The following PRKCZ variants were observed in gnomAD, a reference collection of about 807,000 sequenced individuals.
PRKCZ encodes protein kinase C zeta type.
A neutral mutation model predicts 79.5 loss-of-function variants in PRKCZ; 33 were observed. The ratio of observed to expected loss-of-function variants is 0.41; its 90% CI spans 0.31 to 0.55. PRKCZ has a LOEUF of 0.55. Ranked by LOEUF, PRKCZ falls within the 20% of genes least tolerant of loss-of-function variation. PRKCZ has a pLI of 0.19. For synonymous variants in PRKCZ, 342 were observed against 320.9 expected, an observed-to-expected ratio of 1.07 and a Z score of -0.70; for missense variants, 578 against 813.5, an observed-to-expected ratio of 0.71 and a Z score of 3.52.
At chr1:2,117,947 T>C in intron 4 of PRKCZ, among the ~76,000 whole-genome samples, 1 of 151,866 alleles carries the variant, frequency 6.6e-6, no homozygotes, top group Non-Finnish European at 1.5e-5. Context: ...TGCTATTATT[T>C]TGTTTGTTGT....
chr1:2,174,930 T>C lies in PRKCZ; in HGVS notation c.1485+97T>C. On this transcript the variant is annotated intron_variant, in intron 15 of 17. Transcript: ENST00000378567. This position sits in a 1 kb window ranked among gnomAD's most constrained non-coding sequence, Gnocchi z 6.2. ...CTGTTGGCCATTTTTTCATGTCGGC[T>C]GCTGTGTATCGGGTGTGTGGGTTGA... 4 of 1,282,644 alleles carry C rather than the reference T, an allele frequency of 3.1e-6. No individual in the cohort carries two copies. In the South Asian group the frequency reaches 3.7e-5, roughly 12 times the overall value. 79.5% of individuals were successfully genotyped at this position (1,282,644 alleles called of 1,614,324 possible). A position where few individuals can be genotyped will look rare whatever the true frequency, so the allele number is the denominator to read the frequency against.
At chr1:2,144,798 T>C in intron 6 of PRKCZ, 1 of 247,248 alleles carries the variant, frequency 4.0e-6, no homozygotes, top group Non-Finnish European at 6.6e-6. Context: ...CCCTCCGCCA[T>C]CCCCGAGTGC....
intron 16 of PRKCZ, among the ~76,000 whole-genome samples, chr1:2,179,547 A>G (rs1686130953): frequency 6.6e-6 from 1 of 152,222 alleles, no homozygotes; most frequent in Non-Finnish European, 1.5e-5. Context: ...GTGGTGAGTT[A>G]ACAGCTGAGC....
At chr1:2,155,298 A>T (rs1680751655) in intron 9 of PRKCZ, among the ~76,000 whole-genome samples, 1 of 151,458 alleles carries the variant, frequency 6.6e-6, no homozygotes, top group Non-Finnish European at 1.5e-5. Flanking sequence ...GGTAGTGGTG[A>T]TGACAATGGT....
intron 10 of PRKCZ, among the ~76,000 whole-genome samples, chr1:2,160,006 C>T (rs540808713): frequency 2.6e-5 from 4 of 152,266 alleles, no homozygotes; most frequent in African/African-American, 9.6e-5. Flanking sequence ...GAGCAAACTA[C>T]CCTTAAAATA....
chr1:2,122,955 A>G lies in PRKCZ; in HGVS notation c.335-12307A>G, dbSNP rs551038417. ...CGGCGGTGGTTAGGGTCACGGTGGT[A>G]GTTAGGGTCATGGTGGTGGTTAGGG... On this transcript the variant is annotated intron_variant, in intron 4 of 17. Transcript: ENST00000378567. Among the ~76,000 whole-genome samples the G allele has an allele frequency of 2.0e-4, 16 of 78,470 alleles. 4 individuals carry two copies. The highest frequency in any genetic ancestry group is 3.7e-4 in the Non-Finnish European group (15 of 40,100). The allele number at this position is 78,470 out of a possible 152,430, so 51.5% of individuals were successfully genotyped here.
Position 2,125,206 on chromosome 1 carries a change from C to A in PRKCZ, c.335-10056C>A, listed in dbSNP as rs1219633362. ...GTGAATCCAGAAAAAAAATTTCTTA[C>A]ATAGAAAGGAGCGGTATTTGGTATG... On this transcript the variant is annotated intron_variant, in intron 4 of 17. Transcript: ENST00000378567. This position sits in a 1 kb window ranked among gnomAD's most constrained non-coding sequence, Gnocchi z 4.2. 2.0e-5 allele frequency among the ~76,000 whole-genome samples: 3 copies of A among 152,194 alleles called. No individual in the cohort carries two copies. The highest frequency in any genetic ancestry group is 2.9e-5 in the Non-Finnish European group (2 of 68,034).
chr1:2,059,331 T>A (rs1000546241), intron 3 of PRKCZ, among the ~76,000 whole-genome samples: 1 of 152,238 alleles, frequency 6.6e-6, no homozygotes, highest in Non-Finnish European at 1.5e-5. Flanking sequence ...CCTTTTACTC[T>A]AAGTTTTTCC....
chr1:2,144,196 G>A lies in PRKCZ; in HGVS notation c.421-14G>A, dbSNP rs901980063. 5 of 1,551,218 alleles carry A rather than the reference G, an allele frequency of 3.2e-6. No homozygotes were observed. In the African/African-American group the frequency reaches 5.5e-5, roughly 17 times the overall value. ...CAGTGTGGCCTGGGCCTGACGCTCT[G>A]TTCCCACCTGCAGAGAGCGTACTGC... On this transcript the variant is annotated splice_polypyrimidine_tract_variant and intron_variant, in intron 5 of 17. Transcript: ENST00000378567.
intron 4 of PRKCZ, among the ~76,000 whole-genome samples, chr1:2,103,456 G>A (rs373000915): frequency 6.6e-6 from 1 of 152,048 alleles, no homozygotes; most frequent in Admixed American, 6.5e-5. Context: ...TGTGCCTCGG[G>A]AAGGCCTGGG....
At chr1:2,166,935 C>T (rs1230388888) in intron 10 of PRKCZ, among the ~76,000 whole-genome samples, 1 of 152,230 alleles carries the variant, frequency 6.6e-6, no homozygotes, top group East Asian at 1.9e-4. Context: ...ACACCACCAG[C>T]GTGAGGAGAG....
intron 4 of PRKCZ, among the ~76,000 whole-genome samples, chr1:2,064,852 G>C (rs185009729): frequency 1.1e-4 from 16 of 152,304 alleles, no homozygotes; most frequent in Admixed American, 2.6e-4. Context: ...GATTCCAGAT[G>C]AATTTTAGGA....
At chr1:2,124,317 T>C (rs75633673) in intron 4 of PRKCZ, among the ~76,000 whole-genome samples, 4 of 7,962 alleles carry the variant, frequency 5.0e-4, no homozygotes, top group Admixed American at 1.4e-3. Flanking sequence ...AGGGTCACGG[T>C]GGTGGTTAGG....
chr1:2,182,034 G>A (rs906274656), intron 16 of PRKCZ: 14 of 353,954 alleles, frequency 4.0e-5, no homozygotes, highest in East Asian at 1.6e-4. Context: ...TTGAGACACC[G>A]CCCTGACACG....
chr1:2,108,544 G>A lies in PRKCZ; in HGVS notation c.335-26718G>A, dbSNP rs142729175. The stretch of plus-strand genomic sequence containing the variant: ...TGCGAGGAGGAGGTTGGCCTCGCGC[G>A]GCCATGTGCGTGACAGTGGAGACAT... On this transcript the variant is annotated intron_variant, in intron 4 of 17. Transcript: ENST00000378567. Among the ~76,000 whole-genome samples the A allele has an allele frequency of 3.7e-3, 563 of 152,332 alleles. 5 individuals carry two copies. The highest frequency in any genetic ancestry group is 0.013 in the African/African-American group (536 of 41,562).
chr1:2,159,466 C>T (rs967125903), intron 10 of PRKCZ, among the ~76,000 whole-genome samples: 1 of 152,254 alleles, frequency 6.6e-6, no homozygotes. Flanking sequence ...CACTCCTTCG[C>T]TCTGGGCGGC....
chr1:2,084,900 C>A (rs976210706), intron 4 of PRKCZ, among the ~76,000 whole-genome samples: 1 of 151,898 alleles, frequency 6.6e-6, no homozygotes, highest in Admixed American at 6.6e-5. Context: ...TCCAGCTCCT[C>A]GGGGAGGCTG....
At position 2,172,270 on chromosome 1, in the gene PRKCZ, G is replaced by A. The variant is rs1007094525; in HGVS notation, c.1198-31G>A. On this transcript the variant is annotated intron_variant, in intron 12 of 17. Coordinates refer to ENST00000378567, the MANE Select transcript of PRKCZ (RefSeq NM_002744.6). The surrounding 1 kb of genome is among the most constrained non-coding windows in gnomAD (Gnocchi z 7.8). ...CTGTCCCGCGGGGTAGTGTCTACAAGAACCCTCTCCCAGTAACTTTGCCCC... is the reference window on the plus strand; with the variant it reads ...CTGTCCCGCGGGGTAGTGTCTACAAAAACCCTCTCCCAGTAACTTTGCCCC... 1 of 1,613,520 alleles carries A rather than the reference G, an allele frequency of 6.2e-7. No homozygotes were observed. Among genetic ancestry groups the A allele is most frequent in the African/African-American group, 1.3e-5 (1 of 75,056 alleles).
intron 4 of PRKCZ, among the ~76,000 whole-genome samples, chr1:2,062,443 C>T (rs1056237715): frequency 8.9e-4 from 135 of 150,954 alleles, no homozygotes; most frequent in African/African-American, 3.2e-3. Context: ...TTTTTCTATT[C>T]TGGTAAAATG....
Sources: allele counts gnomAD v4.1 joint callset (sites outside exome capture counted in the v4.1 genomes callset), GRCh38; gene constraint gnomAD v4.1.1; non-coding constraint Gnocchi (gnomAD v3.1); transcripts MANE v1.5; gene names NCBI Gene and HGNC (gene_info 2026-07-23, HGNC 2026-07-21).